The following MGA variants were observed in gnomAD, a reference collection of about 807,000 sequenced individuals.
MGA encodes MAX dimerization protein MGA, also known as MAX gene-associated protein.
Under a neutral mutation model 261.1 loss-of-function variants are expected in MGA, and 40 were observed. The ratio of observed to expected loss-of-function variants is 0.15; its 90% CI spans 0.12 to 0.20. MGA has a LOEUF of 0.20. Ranked by LOEUF, MGA falls within the 10% of genes least tolerant of loss-of-function variation. MGA has a pLI of 1.00. For missense variants in MGA, 3,397 were observed against 3,630.5 expected (o/e 0.94, Z 1.65); for synonymous variants, 1,302 against 1,290.6 (o/e 1.01, Z -0.19).
intron 1 of MGA, among the ~76,000 whole-genome samples, chr15:41,637,937 G>A (rs1480737427): frequency 6.6e-6 from 1 of 150,826 alleles, no homozygotes; most frequent in Non-Finnish European, 1.5e-5. Context: ...TAGAGACGGG[G>A]TTTCGTTGGC....
rs2062767572 is a variant in MGA, at chr15:41,750,430, C to A, written c.6823C>A (p.Leu2275Met). 17 of 1,613,580 alleles carry A rather than the reference C, an allele frequency of 1.1e-5. No homozygotes were observed. Among genetic ancestry groups the A allele is most frequent in the Non-Finnish European group, 1.4e-5 (17 of 1,179,524 alleles). Residue 2275 changes from leucine (L) to methionine (M), a missense_variant, in exon 17 of 24, where the codon CTG becomes ATG. Around this residue, in one of 9 missense-constraint regions of MGA, gnomAD observed 1,410 missense variants for 1,386.4 expected, o/e 1.02. Coordinates refer to ENST00000219905, the MANE Select transcript of MGA (RefSeq NM_001164273.2). Reference sequence around the variant, plus strand: ...GAATGGACATTTTCAGGGTCACTTACTGCTACCTGGAGAACAGATACAACC... The same window carrying A: ...GAATGGACATTTTCAGGGTCACTTAATGCTACCTGGAGAACAGATACAACC...
chr15:41,671,425 G>A lies in MGA; in HGVS notation c.1064+1467G>A, dbSNP rs2058054377. 2.0e-5 allele frequency among the ~76,000 whole-genome samples: 3 copies of A among 152,126 alleles called. No individual in the cohort carries two copies. In the South Asian group the frequency reaches 6.2e-4, roughly 32 times the overall value. ...TGCAACCTCTGGCTCCCAGGTTCAA[G>A]CGATTCTCCTGCCTCAGCCTCCCAA... On this transcript the variant is annotated intron_variant, in intron 2 of 23. Transcript: ENST00000219905.
intron 9 of MGA, among the ~76,000 whole-genome samples, chr15:41,726,766 C>G (rs1308005300): frequency 6.6e-6 from 1 of 151,638 alleles, no homozygotes; most frequent in Non-Finnish European, 1.5e-5. Context: ...GTAAGGTCTT[C>G]TCTGACCCTA....
chr15:41,681,289 A>G (rs1331645436), intron 2 of MGA, among the ~76,000 whole-genome samples: 3 of 152,076 alleles, frequency 2.0e-5, no homozygotes, highest in Non-Finnish European at 2.9e-5. Context: ...GGTCATATGC[A>G]TAATGCCAAA....
chr15:41,764,873 A>G lies in MGA; in HGVS notation c.7745-13A>G. ...GCCTTTTATCTATAACTAATTTCTG[A>G]TCTTTCTTACAGAAAATACCTCACC... On this transcript the variant is annotated splice_polypyrimidine_tract_variant and intron_variant, in intron 22 of 23. Coordinates refer to ENST00000219905, the MANE Select transcript of MGA (RefSeq NM_001164273.2). 6.2e-7 allele frequency: 1 copy of G among 1,613,118 alleles called. No homozygotes were observed. Among genetic ancestry groups the G allele is most frequent in the Non-Finnish European group, 8.5e-7 (1 of 1,179,202 alleles).
chr15:41,646,510 G>A (rs1480239153), intron 1 of MGA, among the ~76,000 whole-genome samples: 1 of 151,704 alleles, frequency 6.6e-6, no homozygotes, highest in Non-Finnish European at 1.5e-5. Context: ...TAGTTGGAGG[G>A]GGAAGTTCTG....
chr15:41,698,675 A>G (rs991281626), intron 3 of MGA, among the ~76,000 whole-genome samples, 188 bp from the exon 4 acceptor site: 1 of 152,190 alleles, frequency 6.6e-6, no homozygotes, highest in East Asian at 1.9e-4. Flanking sequence ...TATTAAAGTA[A>G]TATTAATGTA....
At position 41,696,935 on chromosome 15, in the gene MGA, C is replaced by T; in HGVS notation, c.1925C>T (p.Thr642Ile). ...AAGTCTTTAATTTCTACAAAGAATA[C>T]ACCTGTAAGCCCTGGGAGTACCTTT... The change falls in exon 3 of 24, where the codon ACA (threonine) becomes ATA (isoleucine). Residue 642 changes from threonine (T) to isoleucine (I), a missense_variant. Thr to Ile is a moderately conservative substitution (Grantham distance 89). This residue lies in a region of MGA where 563 missense variants were observed against 563.6 expected (regional missense o/e 1.00). Coordinates refer to ENST00000219905, the MANE Select transcript of MGA (RefSeq NM_001164273.2). 1.0e-5 allele frequency: 16 copies of T among 1,603,380 alleles called. No homozygotes were observed. Among genetic ancestry groups the T allele is most frequent in the East Asian group, 2.2e-5 (1 of 44,716 alleles).
rs779359718 is a variant in MGA at position 41,750,438 on chromosome 15, T to C, written c.6831T>C (p.Pro2277=). 1 of 1,613,948 alleles carries C rather than the reference T, an allele frequency of 6.2e-7. No individual in the cohort carries two copies. Among genetic ancestry groups the C allele is most frequent in the South Asian group, 1.1e-5 (1 of 91,078 alleles). ...ATTTTCAGGGTCACTTACTGCTACC[T>C]GGAGAACAGATACAACCAAAGCAAG... The change falls in exon 17 of 24, where the codon CCT becomes CCC. Residue 2277 remains proline, a synonymous_variant. Transcript: ENST00000219905.
Position 41,750,580 on chromosome 15 carries a change from G to T in MGA, c.6973G>T (p.Asp2325Tyr). ...TGATGAAATTGTGGATGTTGTTTCT[G>T]ACTACCAGAGTGAGGAGGTTGATGA... The change falls in exon 17 of 24, where the codon GAC becomes TAC. Residue 2325 changes from aspartate to tyrosine, a missense_variant. Transcript: ENST00000219905. The T allele has an allele frequency of 1.2e-6, 2 of 1,610,488 alleles. No individual in the cohort carries two copies. The highest frequency in any genetic ancestry group is 2.2e-5 in the South Asian group (2 of 90,362).
chr15:41,703,118 T>C (rs2059932420), intron 5 of MGA, among the ~76,000 whole-genome samples: 1 of 152,162 alleles, frequency 6.6e-6, no homozygotes, highest in Non-Finnish European at 1.5e-5. Context: ...GCATCTAGGA[T>C]CCCATTCAGG....
At chr15:41,684,029 G>T (rs149037679) in intron 2 of MGA, among the ~76,000 whole-genome samples, 39 of 152,112 alleles carry the variant, frequency 2.6e-4, no homozygotes, top group African/African-American at 9.4e-4. Context: ...GTTATAATAT[G>T]GGTTCTTCCT....
chr15:41,659,950 C>A (rs752147498), upstream of MGA, among the ~76,000 whole-genome samples: 1 of 152,232 alleles, frequency 6.6e-6, no homozygotes, highest in African/African-American at 2.4e-5. Context: ...GTCCAAGCCC[C>A]GGTACTCCGG....
At chr15:41,720,659 C>T (rs1455215537) in intron 9 of MGA, among the ~76,000 whole-genome samples, 1 of 152,074 alleles carries the variant, frequency 6.6e-6, no homozygotes, top group Non-Finnish European at 1.5e-5. Flanking sequence ...TGGCGAAACC[C>T]CGTCTCTACT....
rs578259503 is a variant in MGA at position 41,641,836 on chromosome 15, C to T, written c.-68+20538C>T. 2.0e-3 allele frequency among the ~76,000 whole-genome samples: 300 copies of T among 149,316 alleles called. 1 individual carries two copies. The highest frequency in any genetic ancestry group is 3.4e-3 in the Non-Finnish European group (231 of 67,252). ...TTTTGAGACTGGTCTCACTCTGTTG[C>T]CCAGGCTGGTGTGCAGTGGTGCAGT... On this transcript the variant is annotated intron_variant, in intron 1 of 8. Transcript: ENST00000566718.
chr15:41,665,105 A>G (rs1189671677), intron 1 of MGA, among the ~76,000 whole-genome samples: 2 of 152,220 alleles, frequency 1.3e-5, no homozygotes, highest in Non-Finnish European at 2.9e-5. Flanking sequence ...TATTATCTGT[A>G]GACTAACAGA....
intron 1 of MGA, among the ~76,000 whole-genome samples, chr15:41,653,008 A>G (rs957517860): frequency 6.6e-6 from 1 of 152,192 alleles, no homozygotes; most frequent in African/African-American, 2.4e-5. Flanking sequence ...TATAATTTGC[A>G]CCGCATTCAA....
chr15:41,644,277 G>A (rs1408688776), intron 1 of MGA, among the ~76,000 whole-genome samples: 1 of 150,320 alleles, frequency 6.7e-6, no homozygotes, highest in African/African-American at 2.4e-5. Context: ...GGGAGGCTGA[G>A]GTGGGAGGAT....
intron 1 of MGA, among the ~76,000 whole-genome samples, chr15:41,631,038 A>G (rs2056577180): frequency 6.6e-6 from 1 of 152,222 alleles, no homozygotes; most frequent in African/African-American, 2.4e-5. Flanking sequence ...AAAAGAAATA[A>G]AAGGCATTCT....
Sources: allele counts gnomAD v4.1 joint callset (sites outside exome capture counted in the v4.1 genomes callset), GRCh38; gene constraint gnomAD v4.1.1; regional missense constraint gnomAD v4.1.1; transcripts MANE v1.5; gene names NCBI Gene and HGNC (gene_info 2026-07-23, HGNC 2026-07-21).